Variants in GLUD1 observed in about 807,000 individuals in gnomAD.
GLUD1 encodes glutamate dehydrogenase 1, mitochondrial.
In GLUD1, 22 loss-of-function variants were observed where a neutral mutation model predicts 56.0. The ratio of observed to expected loss-of-function variants is 0.39; its 90% CI spans 0.28 to 0.56. The LOEUF (loss-of-function observed/expected upper bound fraction) is 0.56, where lower values mean the gene tolerates loss of function less well. Ranked by LOEUF, GLUD1 falls within the 20% of genes least tolerant of loss-of-function variation. The pLI, the probability that GLUD1 is intolerant of heterozygous loss-of-function variation, is 0.58. For synonymous variants in GLUD1, 223 were observed against 269.9 expected, an observed-to-expected ratio of 0.83 and a Z score of 1.70; for missense variants, 451 against 732.0, an observed-to-expected ratio of 0.62 and a Z score of 4.43.
chr10:87,060,261 A>G lies in GLUD1; in HGVS notation c.1198-20T>C. The G allele has an allele frequency of 6.5e-7, 1 of 1,549,682 alleles. No homozygotes were observed. On this transcript the variant is annotated intron_variant, in intron 8 of 12. Transcript: ENST00000277865. The stretch of plus-strand genomic sequence containing the variant: ...AATGATCTGCAAGAGAGTCAGGAAC[A>G]TAGAGAAATGCGAACACCACCGTCA...
intron 5 of GLUD1, among the ~76,000 whole-genome samples, chr10:87,065,768 C>T (rs1317501496): frequency 6.6e-6 from 1 of 152,150 alleles, no homozygotes; most frequent in Non-Finnish European, 1.5e-5. Flanking sequence ...ATGTACAGTT[C>T]TAGGTGCATT....
At chr10:87,080,713 T>A (rs973300147) in intron 1 of GLUD1, among the ~76,000 whole-genome samples, 1 of 146,376 alleles carries the variant, frequency 6.8e-6, no homozygotes, top group African/African-American at 2.6e-5. Flanking sequence ...AACCGCCCCG[T>A]CTGAGAAGTG....
rs1845620496 is a variant in GLUD1 at position 87,051,134 on chromosome 10, A to G, written c.*617T>C. ...TCATTTATTATTTCTATAGGCATTC[A>G]CTGTTTGAGTCAAGGTTAGGCTTGT... On this transcript the variant is annotated 3_prime_UTR_variant, in exon 13 of 13. Transcript: ENST00000277865. 2 of 168,580 alleles carry G rather than the reference A, an allele frequency of 1.2e-5. No individual in the cohort carries two copies. The highest frequency in any genetic ancestry group is 6.3e-5 in the Admixed American group (1 of 15,988). 10.4% of individuals were successfully genotyped at this position (168,580 alleles called of 1,614,324 possible).
chr10:87,053,594 G>A (rs1455247752), intron 11 of GLUD1, among the ~76,000 whole-genome samples, 190 bp from the exon 12 acceptor site: 3 of 152,082 alleles, frequency 2.0e-5, no homozygotes, highest in African/African-American at 7.2e-5. Flanking sequence ...GTTGCTTGTT[G>A]ATCACAATTT....
At chr10:87,089,512 G>GC in intron 1 of GLUD1, 1 of 561,586 alleles carries the variant, frequency 1.8e-6, no homozygotes, top group Non-Finnish European at 2.3e-6. Context: ...TTAATAAAAT[G>GC]CCTGGCACAC....
intron 1 of GLUD1, among the ~76,000 whole-genome samples, chr10:87,083,848 G>A (rs4934293): frequency 1 from 152,284 of 152,284 alleles, 76,142 homozygotes; most frequent in Non-Finnish European, 1. Flanking sequence ...CGCACACACC[G>A]CATCTTAAAA....
At chr10:87,074,499 AAAAT>A in intron 4 of GLUD1, 48 bp downstream of exon 4, 2 of 1,065,252 alleles carry the variant, frequency 1.9e-6, no homozygotes, top group Non-Finnish European at 2.9e-6. Flanking sequence ...AAAAAAAAAA[AAAAT>A]TTTTAGATGT....
At chr10:87,058,331 C>T (rs917088107) in intron 10 of GLUD1, among the ~76,000 whole-genome samples, 1 of 152,088 alleles carries the variant, frequency 6.6e-6, no homozygotes, top group South Asian at 2.1e-4. Context: ...AAAAAGAAAA[C>T]GCTGGGGGAA....
Position 87,051,779 on chromosome 10 carries a change from T to C in GLUD1, c.1649A>G (p.Tyr550Cys). ...TGTGAAGGTCACACCAGCTTCATTG[T>C]ACACTTTGAAGACTTTCTCAATGGC... ...VNAIEKVFKV[Y>C]NEAGVTFT Residue 550 changes from tyrosine (Y) to cysteine (C), a missense_variant, in exon 13 of 13, where the codon TAC (tyrosine) becomes TGC (cysteine). Physicochemically the swap from Tyr to Cys is radical, Grantham distance 194 (BLOSUM62 -2). Around this residue, in one of 4 missense-constraint regions of GLUD1, gnomAD observed 43 missense variants for 61.6 expected, o/e 0.70. Coordinates refer to ENST00000277865, the MANE Select transcript of GLUD1 (RefSeq NM_005271.5). 1.2e-6 allele frequency: 2 copies of C among 1,613,028 alleles called. No individual in the cohort carries two copies. Among genetic ancestry groups the C allele is most frequent in the Non-Finnish European group, 1.7e-6 (2 of 1,179,988 alleles).
chr10:87,091,562 T>G, intron 1 of GLUD1: 19 of 913,344 alleles, frequency 2.1e-5, no homozygotes, highest in Non-Finnish European at 2.5e-5. Context: ...TTCAGATCCT[T>G]TAGCTTACCC....
In GLUD1 at chr10:87,068,234, C is replaced by A. The variant is rs565591803; in HGVS notation, c.647-77G>T. The A allele has an allele frequency of 3.1e-5, 27 of 865,362 alleles. No individual in the cohort carries two copies. The South Asian group carries it at 3.3e-4, about 11-fold the overall frequency. The allele number at this position is 865,362 out of a possible 1,614,324, so 53.6% of individuals were successfully genotyped here. A position where few individuals can be genotyped will look rare whatever the true frequency, so the allele number is the denominator to read the frequency against. ...CTCGAACACAAAGATCCTTGTAAGT[C>A]TCTGTAATAACCAAGTTACCATGGC... is the stretch of plus-strand genomic sequence containing the variant. On this transcript the variant is annotated intron_variant, in intron 4 of 12. Coordinates refer to ENST00000277865, the MANE Select transcript of GLUD1 (RefSeq NM_005271.5).
intron 5 of GLUD1, among the ~76,000 whole-genome samples, chr10:87,066,255 C>T (rs746231322): frequency 1.4e-4 from 22 of 152,174 alleles, no homozygotes; most frequent in Admixed American, 4.6e-4. Context: ...CCCTGCTTCC[C>T]TCTTCATATC....
At chr10:87,089,495 A>G in intron 1 of GLUD1, 1 of 405,782 alleles carries the variant, frequency 2.5e-6, no homozygotes, top group Non-Finnish European at 3.3e-6. Flanking sequence ...TGATGCATGA[A>G]AAGTTCTTAA....
At position 87,050,647 on chromosome 10, in the gene GLUD1, A is replaced by T. The variant is rs1223907245; in HGVS notation, c.*1104T>A. 6.6e-6 allele frequency: 1 copy of T among 152,170 alleles called. No homozygotes were observed. The highest frequency in any genetic ancestry group is 1.5e-5 in the Non-Finnish European group (1 of 68,034). The allele number at this position is 152,170 out of a possible 1,614,324, so 9.4% of individuals were successfully genotyped here. A position where few individuals can be genotyped will look rare whatever the true frequency, so the allele number is the denominator to read the frequency against. Reference sequence around the variant, plus strand: ...GCACTTCATGGGGACACTACTGTTCAAAAGGCCCTGGCCAAATAACTCCCA... The same window carrying T: ...GCACTTCATGGGGACACTACTGTTCTAAAGGCCCTGGCCAAATAACTCCCA... On this transcript the variant is annotated 3_prime_UTR_variant, in exon 13 of 13. Coordinates refer to ENST00000277865, the MANE Select transcript of GLUD1 (RefSeq NM_005271.5).
intron 8 of GLUD1, 57 bp downstream of exon 8, chr10:87,060,631 C>T (rs1845905621): frequency 1.2e-6 from 2 of 1,603,516 alleles, no homozygotes; most frequent in Admixed American, 1.7e-5. Flanking sequence ...TCTTCTATGA[C>T]CCCCCTAACG....
At chr10:87,067,361 G>T (rs184757085) in intron 5 of GLUD1, among the ~76,000 whole-genome samples, 1 of 152,278 alleles carries the variant, frequency 6.6e-6, no homozygotes, top group East Asian at 1.9e-4. Flanking sequence ...AGGTAGCTGG[G>T]ATTATAGGTG....
intron 1 of GLUD1, among the ~76,000 whole-genome samples, chr10:87,081,811 G>A (rs1427639520): frequency 2.6e-5 from 4 of 151,068 alleles, no homozygotes; most frequent in Admixed American, 1.3e-4. Context: ...CAAACACTGC[G>A]GAAGGCCTCA....
In GLUD1 at chr10:87,094,109, G is replaced by A. The variant is rs1400422894; in HGVS notation, c.445+216C>T. On this transcript the variant is annotated intron_variant, in intron 1 of 12. Coordinates refer to ENST00000277865, the MANE Select transcript of GLUD1 (RefSeq NM_005271.5). The surrounding 1 kb of genome is among the most constrained non-coding windows in gnomAD (Gnocchi z 6.6). ...ATACAGAGGCCCGGGGTGACGGCGC[G>A]GGGGAGGGGGCAGGCCAATCGCATG... 2.7e-6 allele frequency: 4 copies of A among 1,499,490 alleles called. No individual in the cohort carries two copies. Among genetic ancestry groups the A allele is most frequent in the African/African-American group, 2.8e-5 (2 of 71,604 alleles). 92.9% of individuals were successfully genotyped at this position (1,499,490 alleles called of 1,614,324 possible). A position where few individuals can be genotyped will look rare whatever the true frequency, so the allele number is the denominator to read the frequency against.
At chr10:87,079,890 C>T (rs1488236931) in intron 1 of GLUD1, among the ~76,000 whole-genome samples, 1 of 141,810 alleles carries the variant, frequency 7.1e-6, no homozygotes, top group Non-Finnish European at 1.5e-5. Flanking sequence ...AACTAGTGCT[C>T]TCCCTCTCCC....
Sources: allele counts gnomAD v4.1 joint callset (sites outside exome capture counted in the v4.1 genomes callset), GRCh38; gene constraint gnomAD v4.1.1; regional missense constraint gnomAD v4.1.1; non-coding constraint Gnocchi (gnomAD v3.1); transcripts MANE v1.5; gene names NCBI Gene and HGNC (gene_info 2026-07-23, HGNC 2026-07-21).